Variants in SEL1L2 observed in about 807,000 individuals in gnomAD.
SEL1L2 encodes the protein SEL1L2 adaptor subunit of SYVN1 ubiquitin ligase.
Under a neutral mutation model 98.8 loss-of-function variants are expected in SEL1L2, and 89 were observed. That is an observed-to-expected ratio of 0.90 (90% CI 0.76 to 1.07). The LOEUF is 1.07. SEL1L2 is among the 50% of genes least tolerant of loss of function. The pLI is 0.00. For missense variants in SEL1L2, 788 were observed against 812.0 expected, an observed-to-expected ratio of 0.97 and a Z score of 0.36; for synonymous variants, 262 against 278.5, an observed-to-expected ratio of 0.94 and a Z score of 0.59.
At position 13,962,093 on chromosome 20, in the gene SEL1L2, TG is replaced by T. The variant is rs2050805265; in HGVS notation, c.59-5963del. Among the ~76,000 whole-genome samples the T allele has an allele frequency of 4.6e-5, 7 of 152,290 alleles. No homozygotes were observed. In the South Asian group the frequency reaches 1.5e-3, roughly 32 times the overall value. On this transcript the variant is annotated intron_variant, in intron 1 of 19. Coordinates refer to ENST00000284951, the MANE Select transcript of SEL1L2 (RefSeq NM_025229.2). ...CTTGATGATATGATAAAGTGAGACC[TG>T]GGCAATTTTGGGAGGATGAGATTCA...
chr20:13,925,577 A>G (rs1000232324), intron 3 of SEL1L2, among the ~76,000 whole-genome samples: 2 of 152,198 alleles, frequency 1.3e-5, no homozygotes, highest in Non-Finnish European at 2.9e-5. Flanking sequence ...AGCTTTATTC[A>G]TAGCTCTTCT....
chr20:13,905,873 T>C (rs2047907209), intron 5 of SEL1L2, among the ~76,000 whole-genome samples: 1 of 142,282 alleles, frequency 7.0e-6, no homozygotes, highest in Non-Finnish European at 1.5e-5. Context: ...TTCTTTTCCT[T>C]TTTTTTTTTT....
chr20:13,935,512 C>T (rs1005700684), intron 2 of SEL1L2, among the ~76,000 whole-genome samples: 2 of 152,128 alleles, frequency 1.3e-5, no homozygotes, highest in African/African-American at 4.8e-5. Flanking sequence ...AGGGAGTTAG[C>T]CACGCAAATA....
intron 17 of SEL1L2, among the ~76,000 whole-genome samples, chr20:13,861,289 C>T (rs1213841041): frequency 6.6e-6 from 1 of 151,922 alleles, no homozygotes; most frequent in Non-Finnish European, 1.5e-5. Flanking sequence ...GATCATCCTA[C>T]CCCAGTCTCC....
rs184318787 is a variant in SEL1L2, at chr20:13,881,222, C to T, written c.958-3634G>A. 1.1e-3 allele frequency among the ~76,000 whole-genome samples: 173 copies of T among 152,236 alleles called. 1 individual carries two copies. The highest frequency in any genetic ancestry group is 3.5e-3 in the African/African-American group (146 of 41,548). ...AGAGACGGGGTTTCACCATGTTGGC[C>T]AAGATGGTCTCAATCTCTTGACCTC... On this transcript the variant is annotated intron_variant, in intron 10 of 19. Transcript: ENST00000284951.
intron 12 of SEL1L2, 79 bp from the exon 13 acceptor site, chr20:13,870,282 A>G: frequency 9.8e-7 from 1 of 1,024,050 alleles, no homozygotes; most frequent in Non-Finnish European, 1.5e-6. Flanking sequence ...TTTTCAAAAT[A>G]TTTGACATGC....
intron 1 of SEL1L2, among the ~76,000 whole-genome samples, chr20:13,977,154 T>C (rs141388537): frequency 6.6e-6 from 1 of 152,200 alleles, no homozygotes; most frequent in Non-Finnish European, 1.5e-5. Flanking sequence ...ATCATGTAGC[T>C]GGATATGCTG....
intron 18 of SEL1L2, among the ~76,000 whole-genome samples, chr20:13,854,673 G>A (rs1037542369): frequency 6.6e-6 from 1 of 152,142 alleles, no homozygotes; most frequent in Non-Finnish European, 1.5e-5. Flanking sequence ...ATAGGAAATA[G>A]TCCTTGATAA....
chr20:13,932,965 T>C (rs2049219067), intron 2 of SEL1L2, among the ~76,000 whole-genome samples: 2 of 152,092 alleles, frequency 1.3e-5, no homozygotes, highest in Admixed American at 1.3e-4. Context: ...GCCAGCATTT[T>C]ATGAGGTGGA....
chr20:13,898,843 A>T (rs1263525107), intron 5 of SEL1L2, among the ~76,000 whole-genome samples: 5 of 152,170 alleles, frequency 3.3e-5, no homozygotes, highest in Non-Finnish European at 5.9e-5. Context: ...CCCGGGTTCA[A>T]GAGATTCTCC....
intron 4 of SEL1L2, among the ~76,000 whole-genome samples, chr20:13,918,508 C>A (rs1463390519): frequency 1.3e-5 from 2 of 152,136 alleles, no homozygotes; most frequent in Admixed American, 6.5e-5. Context: ...GTGCTCACCT[C>A]ACTTTAACAT....
At chr20:13,877,654 C>T (rs2147916886) in intron 10 of SEL1L2, 66 bp from the exon 11 acceptor site, 1 of 1,310,882 alleles carries the variant, frequency 7.6e-7, no homozygotes, top group Non-Finnish European at 1.1e-6. Flanking sequence ...GCTTTTTGAA[C>T]CAAACTTTAT....
At chr20:13,888,961 C>CTTTTCT (rs2047087060) in intron 5 of SEL1L2, among the ~76,000 whole-genome samples, 1 of 127,950 alleles carries the variant, frequency 7.8e-6, no homozygotes, top group African/African-American at 2.9e-5. Flanking sequence ...CTTTTCTTTT[C>CTTTTCT]TTTTTTTTTT....
chr20:13,968,143 A>C (rs1274243812), intron 1 of SEL1L2, among the ~76,000 whole-genome samples: 1 of 152,202 alleles, frequency 6.6e-6, no homozygotes, highest in Non-Finnish European at 1.5e-5. Context: ...AAGATAGCAA[A>C]ATTTCCATAA....
Position 13,943,419 on chromosome 20 carries a change from C to T in SEL1L2, c.115-11648G>A, listed in dbSNP as rs1051208830. On this transcript the variant is annotated intron_variant, in intron 2 of 19. Coordinates refer to ENST00000284951, the MANE Select transcript of SEL1L2 (RefSeq NM_025229.2). Reference sequence around the variant, plus strand: ...CAAGGAGCAGAAAATTATAGTTAAACATATAGCCATGTCAACTTTTCATGG... The same window carrying T: ...CAAGGAGCAGAAAATTATAGTTAAATATATAGCCATGTCAACTTTTCATGG... Among the ~76,000 whole-genome samples, 5 of 151,180 alleles carry T rather than the reference C, an allele frequency of 3.3e-5. 1 individual carries two copies. Among genetic ancestry groups the T allele is most frequent in the Admixed American group, 6.6e-5 (1 of 15,188 alleles).
intron 17 of SEL1L2, among the ~76,000 whole-genome samples, chr20:13,861,498 C>T (rs2147783496): frequency 6.6e-6 from 1 of 151,920 alleles, no homozygotes; most frequent in East Asian, 1.9e-4. Context: ...ATATATGTAA[C>T]AGTTTTATTG....
At chr20:13,982,560 T>C (rs760126658) in intron 1 of SEL1L2, among the ~76,000 whole-genome samples, 1 of 144,574 alleles carries the variant, frequency 6.9e-6, no homozygotes, top group Non-Finnish European at 1.5e-5. Context: ...AGTTCTATCA[T>C]TGTAAACAAA....
intron 1 of SEL1L2, among the ~76,000 whole-genome samples, chr20:13,989,614 T>C (rs1209817901): frequency 6.6e-6 from 1 of 152,232 alleles, no homozygotes; most frequent in Non-Finnish European, 1.5e-5. Flanking sequence ...CAATATCTTC[T>C]ATCAGGTTGA....
chr20:13,925,394 T>G (rs756362177), intron 3 of SEL1L2, among the ~76,000 whole-genome samples: 80 of 152,236 alleles, frequency 5.3e-4, no homozygotes, highest in Non-Finnish European at 6.5e-4. Flanking sequence ...CAAATCTGTA[T>G]GAGGGTCAGG....
Sources: allele counts gnomAD v4.1 joint callset (sites outside exome capture counted in the v4.1 genomes callset), GRCh38; gene constraint gnomAD v4.1.1; transcripts MANE v1.5; gene names NCBI Gene and HGNC (gene_info 2026-07-23, HGNC 2026-07-21).